Variants in HECW2 observed in about 807,000 individuals in gnomAD.
HECW2 encodes the protein HECT, C2 and WW domain containing E3 ubiquitin protein ligase 2.
HECW2 carries 61 observed loss-of-function variants against 175.2 expected under a neutral mutation model. The observed-to-expected ratio is 0.35, with a 90% CI of 0.28 to 0.43. The LOEUF is 0.43. HECW2 is among the 20% of genes least tolerant of loss of function. The pLI is 1.00. For synonymous variants in HECW2, 671 were observed against 731.0 expected (o/e 0.92, Z 1.32); for missense variants, 1,524 against 2,000.5 (o/e 0.76, Z 4.54).
intron 17 of HECW2, among the ~76,000 whole-genome samples, chr2:196,270,272 G>A (rs959887064): frequency 6.6e-6 from 1 of 152,276 alleles, no homozygotes; most frequent in East Asian, 1.9e-4. Flanking sequence ...TTTCAAGGAG[G>A]GAAAGCTTCT....
intron 1 of HECW2, among the ~76,000 whole-genome samples, chr2:196,573,777 G>A (rs566900351): frequency 6.6e-6 from 1 of 152,128 alleles, no homozygotes; most frequent in East Asian, 1.9e-4. Flanking sequence ...GAAATAAAAG[G>A]CATCCAACTC....
chr2:196,277,699 C>T (rs1690009738), intron 15 of HECW2, among the ~76,000 whole-genome samples: 2 of 152,042 alleles, frequency 1.3e-5, no homozygotes, highest in African/African-American at 2.4e-5. Context: ...TGGCACTACT[C>T]ACAATAGCAA....
At chr2:196,286,017 A>G (rs1210952172) in intron 14 of HECW2, among the ~76,000 whole-genome samples, 1 of 152,190 alleles carries the variant, frequency 6.6e-6, no homozygotes, top group Non-Finnish European at 1.5e-5. Flanking sequence ...GGTATTTTAT[A>G]TGTTGGGAGT....
chr2:196,252,014 C>T (rs1688872194), intron 19 of HECW2, among the ~76,000 whole-genome samples: 1 of 151,774 alleles, frequency 6.6e-6, no homozygotes, highest in African/African-American at 2.4e-5. Flanking sequence ...GCCTGGCCAA[C>T]ATGATGAAAC....
chr2:196,408,093 A>T (rs1695011568), intron 2 of HECW2, among the ~76,000 whole-genome samples: 1 of 152,240 alleles, frequency 6.6e-6, no homozygotes, highest in Non-Finnish European at 1.5e-5. Context: ...AGGTTAGAAG[A>T]GCAGTAGGCA....
At chr2:196,270,979 T>G (rs2105962200) in intron 17 of HECW2, among the ~76,000 whole-genome samples, 1 of 151,704 alleles carries the variant, frequency 6.6e-6, no homozygotes, top group East Asian at 1.9e-4. Flanking sequence ...CAGGCGTGAG[T>G]CGCCGTGCCC....
chr2:196,514,576 CACGCCCATGGCT>C (rs1192176757), intron 1 of HECW2, among the ~76,000 whole-genome samples: 15 of 152,166 alleles, frequency 9.9e-5, no homozygotes, highest in African/African-American at 3.6e-4. Flanking sequence ...TTTTTCCCGG[CACGCCCATGGCT>C]ACCCATGGAC....
At position 196,248,247 on chromosome 2, in the gene HECW2, G is replaced by T. The variant is rs555417172; in HGVS notation, c.3529+5673C>A. Among the ~76,000 whole-genome samples the T allele has an allele frequency of 3.3e-5, 5 of 152,300 alleles. No homozygotes were observed. In the East Asian group the frequency reaches 9.6e-4, roughly 29 times the overall value. On this transcript the variant is annotated intron_variant, in intron 19 of 28. Transcript: ENST00000644978. ...AAACCTTGACAGAGATCTTGGCAGGGAAGTGATTTATTAAAGGGAAATGTA... is the reference window on the plus strand; with the variant it reads ...AAACCTTGACAGAGATCTTGGCAGGTAAGTGATTTATTAAAGGGAAATGTA...
chr2:196,344,113 T>C (rs1305933857), intron 2 of HECW2, among the ~76,000 whole-genome samples: 3 of 151,994 alleles, frequency 2.0e-5, no homozygotes, highest in African/African-American at 7.2e-5. Context: ...GTAAAACGCT[T>C]TTATAAAAAG....
chr2:196,252,156 G>A lies in HECW2; in HGVS notation c.3529+1764C>T, dbSNP rs529679953. 1.3e-3 allele frequency among the ~76,000 whole-genome samples: 183 copies of A among 141,374 alleles called. 2 individuals carry two copies. The highest frequency in any genetic ancestry group is 4.4e-3 in the African/African-American group (166 of 38,096). The allele number at this position is 141,374 out of a possible 152,430, so 92.7% of individuals were successfully genotyped here. A position where few individuals can be genotyped will look rare whatever the true frequency, so the allele number is the denominator to read the frequency against. On this transcript the variant is annotated intron_variant, in intron 19 of 28. Coordinates refer to ENST00000644978, the MANE Select transcript of HECW2 (RefSeq NM_001348768.2). ...CACGCCACTGCACTCCAGCCTGGGC[G>A]AAGAAGTGTGACTCCGATTCAAAAT...
chr2:196,431,730 A>G (rs1437698517), intron 2 of HECW2, among the ~76,000 whole-genome samples: 1 of 152,204 alleles, frequency 6.6e-6, no homozygotes, highest in Non-Finnish European at 1.5e-5. Flanking sequence ...ATTTGATTAT[A>G]TTTTAAAACA....
At chr2:196,535,012 G>A (rs1380941601) in intron 1 of HECW2, among the ~76,000 whole-genome samples, 6 of 147,046 alleles carry the variant, frequency 4.1e-5, no homozygotes, top group East Asian at 2.0e-4. Flanking sequence ...CAATTTGCAC[G>A]ACAAAACGAT....
At chr2:196,582,087 T>C (rs1253658408) in intron 1 of HECW2, among the ~76,000 whole-genome samples, 1 of 151,752 alleles carries the variant, frequency 6.6e-6, no homozygotes, top group Non-Finnish European at 1.5e-5. Context: ...ATAATAATAA[T>C]AATAATAAAT....
intron 1 of HECW2, among the ~76,000 whole-genome samples, chr2:196,441,634 C>T (rs1207734866): frequency 6.6e-6 from 1 of 152,136 alleles, no homozygotes; most frequent in Non-Finnish European, 1.5e-5. Context: ...GCTCCCCCTC[C>T]AGTGGATTTC....
At chr2:196,510,976 T>C (rs1340265582) in intron 1 of HECW2, among the ~76,000 whole-genome samples, 2 of 152,152 alleles carry the variant, frequency 1.3e-5, no homozygotes, top group Non-Finnish European at 2.9e-5. Flanking sequence ...TGTTTGTTTG[T>C]TTGTTTTGAG....
intron 4 of HECW2, chr2:196,331,355 A>G (rs1235319435): frequency 3.5e-6 from 3 of 866,354 alleles, no homozygotes; most frequent in Non-Finnish European, 4.2e-6. Flanking sequence ...TGGCTATCTC[A>G]TCCTGCTTTC....
At chr2:196,257,940 T>TG in intron 17 of HECW2, 34 bp from the exon 18 acceptor site, 1 of 1,456,064 alleles carries the variant, frequency 6.9e-7, no homozygotes. Context: ...AAAATGTATA[T>TG]GGTAGACCTT....
intron 3 of HECW2, among the ~76,000 whole-genome samples, chr2:196,339,776 A>G (rs1692679523): frequency 6.6e-6 from 1 of 152,258 alleles, no homozygotes; most frequent in Non-Finnish European, 1.5e-5. Flanking sequence ...TGACCCATTC[A>G]GGTTCTGTGA....
intron 8 of HECW2, 95 bp from the exon 9 acceptor site, chr2:196,319,999 A>G (rs1691880245): frequency 3.1e-6 from 4 of 1,272,896 alleles, no homozygotes; most frequent in Admixed American, 2.7e-5. Context: ...GTTCAAAGAA[A>G]TCAGTCATTC....
Sources: gnomAD v4.1 joint callset for allele counts (sites outside exome capture counted in the v4.1 genomes callset) on GRCh38, gnomAD v4.1.1 for gene constraint, MANE v1.5 for transcripts, NCBI Gene and HGNC (gene_info 2026-07-23, HGNC 2026-07-21) for gene names.